Variants in SATB1 observed in about 807,000 individuals in gnomAD.
SATB1 encodes SATB homeobox 1.
SATB1 carries 11 observed loss-of-function variants against 86.9 expected under a neutral mutation model. The ratio of observed to expected loss-of-function variants is 0.13; its 90% CI spans 0.08 to 0.21. SATB1 has a LOEUF of 0.21. Ranked by LOEUF, SATB1 falls within the 10% of genes least tolerant of loss-of-function variation. The pLI, the probability that SATB1 is intolerant of heterozygous loss-of-function variation, is 1.00. For synonymous variants in SATB1, 357 were observed against 357.2 expected, an observed-to-expected ratio of 1.00 and a Z score of 0.01; for missense variants, 551 against 937.6, an observed-to-expected ratio of 0.59 and a Z score of 5.39.
At position 18,410,830 on chromosome 3, in the gene SATB1, C is replaced by T. The variant is rs143597535; in HGVS notation, c.639+4281G>A. 273 of 357,508 alleles carry T rather than the reference C, an allele frequency of 7.6e-4. 1 individual carries two copies. The highest frequency in any genetic ancestry group is 5.4e-3 in the African/African-American group (258 of 47,690). 22.1% of individuals were successfully genotyped at this position (357,508 alleles called of 1,614,324 possible). ...AATAAAGTACAGTTTATTAAAAACA[C>T]ATTTGTATAACATGATAGATTTGTA... On this transcript the variant is annotated intron_variant, in intron 5 of 10. Transcript: ENST00000338745.
At position 18,350,000 on chromosome 3, in the gene SATB1, G is replaced by A; in HGVS notation, c.1780-318C>T. ...ATTCACTAGAATGATACGCATCAAA[G>A]GCGAAGACAGCACATCAAATTATGA... On this transcript the variant is annotated intron_variant, in intron 10 of 10. Transcript: ENST00000338745. The surrounding 1 kb of genome is among the most constrained non-coding windows in gnomAD (Gnocchi z 5.5). 2.9e-6 allele frequency: 1 copy of A among 342,262 alleles called. No homozygotes were observed. The highest frequency in any genetic ancestry group is 4.3e-5 in the Admixed American group (1 of 23,138). The allele number at this position is 342,262 out of a possible 1,614,324, so 21.2% of individuals were successfully genotyped here.
rs780464033 is a variant in SATB1 at position 18,417,098 on chromosome 3, G to C, written c.212-20C>G. 6.2e-7 allele frequency: 1 copy of C among 1,606,184 alleles called. No individual in the cohort carries two copies. The highest frequency in any genetic ancestry group is 8.5e-7 in the Non-Finnish European group (1 of 1,177,860). The stretch of plus-strand genomic sequence containing the variant: ...TGGTTCCTATCAAAAAGATGAAGAA[G>C]AAGAGATGGAAAACCAACAATCTTC... On this transcript the variant is annotated intron_variant, in intron 2 of 10. Transcript: ENST00000338745.
Position 18,424,223 on chromosome 3 carries a change from CAG to C in SATB1, c.-623_-622del, listed in dbSNP as rs1477161319. The C allele has an allele frequency of 1.3e-5, 2 of 152,078 alleles. No individual in the cohort carries two copies. The highest frequency in any genetic ancestry group is 2.9e-5 in the Non-Finnish European group (2 of 68,034). The allele number at this position is 152,078 out of a possible 1,614,324, so 9.4% of individuals were successfully genotyped here. A position where few individuals can be genotyped will look rare whatever the true frequency, so the allele number is the denominator to read the frequency against. ...TCACTCGGGTTCTTCGGTGTGAGGACAGAAAGTCTACTTCTGGCTGTCACTTG... is the reference window on the plus strand; with the variant it reads ...TCACTCGGGTTCTTCGGTGTGAGGACAAAGTCTACTTCTGGCTGTCACTTG... On this transcript the variant is annotated 5_prime_UTR_variant, in exon 1 of 11. Transcript: ENST00000338745.
chr3:18,381,229 T>C (rs1385989930), intron 8 of SATB1, among the ~76,000 whole-genome samples: 1 of 152,218 alleles, frequency 6.6e-6, no homozygotes, highest in Admixed American at 6.5e-5. Context: ...CTGTATGCAT[T>C]GAATCATGCT....
chr3:18,422,102 T>C (rs886800797), intron 1 of SATB1, among the ~76,000 whole-genome samples: 3 of 152,194 alleles, frequency 2.0e-5, no homozygotes, highest in African/African-American at 7.2e-5. Context: ...AATTATTTTA[T>C]GAACTTTGAT....
chr3:18,398,261 T>C (rs1697065628), intron 5 of SATB1, among the ~76,000 whole-genome samples: 1 of 152,156 alleles, frequency 6.6e-6, no homozygotes, highest in African/African-American at 2.4e-5. Context: ...TACGGTAATT[T>C]CAATGACTAA....
chr3:18,393,460 T>C (rs1466020167), intron 7 of SATB1, among the ~76,000 whole-genome samples: 5 of 152,130 alleles, frequency 3.3e-5, no homozygotes, highest in Non-Finnish European at 5.9e-5. Flanking sequence ...TTCAACAGAG[T>C]CAATTTGTTT....
Position 18,383,627 on chromosome 3 carries a change from A to C in SATB1, c.1419+2772T>G, listed in dbSNP as rs190698745. Among the ~76,000 whole-genome samples, 280 of 152,328 alleles carry C rather than the reference A, an allele frequency of 1.8e-3. 1 individual carries two copies. Among genetic ancestry groups the C allele is most frequent in the Middle Eastern group, 3.4e-3 (1 of 294 alleles). Reference sequence around the variant, plus strand: ...CTTTGGCAAAATGTAAAATTTAAAAAGACAAAATTTTGCAGTCTGTGTTAT... The same window carrying C: ...CTTTGGCAAAATGTAAAATTTAAAACGACAAAATTTTGCAGTCTGTGTTAT... On this transcript the variant is annotated intron_variant, in intron 8 of 10. Coordinates refer to ENST00000338745, the MANE Select transcript of SATB1 (RefSeq NM_002971.6).
At position 18,386,396 on chromosome 3, in the gene SATB1, C is replaced by T; in HGVS notation, c.1419+3G>A. ...AAGGGCAAGGAGGAAAAGGAGACCG[C>T]ACCTGGGGAGGACGGCTGGGTGGTG... On this transcript the variant is annotated splice_donor_region_variant and intron_variant, in intron 8 of 10. Transcript: ENST00000338745. This position sits in a 1 kb window ranked among gnomAD's most constrained non-coding sequence, Gnocchi z 4.5. 5 of 1,612,330 alleles carry T rather than the reference C, an allele frequency of 3.1e-6. No individual in the cohort carries two copies. The highest frequency in any genetic ancestry group is 4.2e-6 in the Non-Finnish European group (5 of 1,179,022).
At chr3:18,412,083 T>C (rs1697875430) in intron 5 of SATB1, among the ~76,000 whole-genome samples, 1 of 152,058 alleles carries the variant, frequency 6.6e-6, no homozygotes, top group Non-Finnish European at 1.5e-5. Flanking sequence ...GCAATTCTCC[T>C]GCCTCAGCCT....
intron 9 of SATB1, among the ~76,000 whole-genome samples, chr3:18,355,115 G>A (rs984458441): frequency 6.6e-6 from 1 of 151,998 alleles, no homozygotes; most frequent in Admixed American, 6.6e-5. Context: ...ATATTTAACG[G>A]TGCAGCTGGG....
chr3:18,379,953 A>G (rs2125192398), intron 8 of SATB1, among the ~76,000 whole-genome samples: 1 of 152,336 alleles, frequency 6.6e-6, no homozygotes, highest in South Asian at 2.1e-4. Flanking sequence ...ACTGGAGGCC[A>G]CTAGAACACA....
chr3:18,394,101 C>G lies in SATB1; in HGVS notation c.1206+361G>C, dbSNP rs1169766834. On this transcript the variant is annotated intron_variant, in intron 7 of 10. Coordinates refer to ENST00000338745, the MANE Select transcript of SATB1 (RefSeq NM_002971.6). This position sits in a 1 kb window ranked among gnomAD's most constrained non-coding sequence, Gnocchi z 5.9. Reference sequence around the variant, plus strand: ...AATGGAAAAGACAATAGGCTAGAAGCCTGGAATCCTGCCAATAGCCTTGAC... The same window carrying G: ...AATGGAAAAGACAATAGGCTAGAAGGCTGGAATCCTGCCAATAGCCTTGAC... Among the ~76,000 whole-genome samples, 1 of 152,144 alleles carries G rather than the reference C, an allele frequency of 6.6e-6. No homozygotes were observed. Among genetic ancestry groups the G allele is most frequent in the Non-Finnish European group, 1.5e-5 (1 of 68,028 alleles).
intron 9 of SATB1, among the ~76,000 whole-genome samples, chr3:18,366,097 C>A (rs1336901119): frequency 6.6e-6 from 1 of 152,134 alleles, no homozygotes; most frequent in African/African-American, 2.4e-5. Flanking sequence ...GTAAACCAGT[C>A]AAGTAACACC....
chr3:18,389,854 T>C (rs1445424060), intron 7 of SATB1, among the ~76,000 whole-genome samples: 2 of 152,140 alleles, frequency 1.3e-5, no homozygotes, highest in African/African-American at 2.4e-5. Flanking sequence ...ATTCATTTTA[T>C]TGAAAATCAG....
rs1694015472 is a variant in SATB1 at position 18,345,648 on chromosome 3, A to G, written c.*3522T>C. On this transcript the variant is annotated 3_prime_UTR_variant, in exon 11 of 11. Coordinates refer to ENST00000338745, the MANE Select transcript of SATB1 (RefSeq NM_002971.6). ...ATATGCATAAAGAAGACTAGTATTG[A>G]TATTTTCTGATATTTTAGATATGAT... The G allele has an allele frequency of 6.6e-6, 1 of 152,092 alleles. No homozygotes were observed. Among genetic ancestry groups the G allele is most frequent in the Non-Finnish European group, 1.5e-5 (1 of 67,962 alleles). The allele number at this position is 152,092 out of a possible 1,614,324, so 9.4% of individuals were successfully genotyped here.
chr3:18,363,114 A>C (rs1479676802), intron 9 of SATB1, among the ~76,000 whole-genome samples: 1 of 152,168 alleles, frequency 6.6e-6, no homozygotes, highest in African/African-American at 2.4e-5. Context: ...GGAATTAAAA[A>C]TTTAAATATT....
At chr3:18,369,017 A>C (rs1695322164) in intron 9 of SATB1, among the ~76,000 whole-genome samples, 1 of 152,144 alleles carries the variant, frequency 6.6e-6, no homozygotes, top group African/African-American at 2.4e-5. Context: ...ATAAAAGCAG[A>C]ATCCTCAGGG....
chr3:18,409,535 A>G (rs1028884038), intron 5 of SATB1: 1 of 152,080 alleles, frequency 6.6e-6, no homozygotes, highest in Admixed American at 6.6e-5. Context: ...TACCCATATA[A>G]GACAGGTTTA....
Sources: gnomAD v4.1 joint callset for allele counts (sites outside exome capture counted in the v4.1 genomes callset) on GRCh38, gnomAD v4.1.1 for gene constraint, Gnocchi (gnomAD v3.1) non-coding constraint, MANE v1.5 for transcripts, NCBI Gene and HGNC (gene_info 2026-07-23, HGNC 2026-07-21) for gene names.